The following PCLO variants were observed in gnomAD, a reference collection of about 807,000 sequenced individuals.
PCLO encodes the protein piccolo presynaptic cytomatrix protein.
In PCLO, 82 loss-of-function variants were observed where a neutral mutation model predicts 427.5. That is an observed-to-expected ratio of 0.19 (90% CI 0.16 to 0.23). PCLO has a LOEUF of 0.23. PCLO is among the 10% of genes least tolerant of loss of function. PCLO has a pLI of 1.00. For synonymous variants in PCLO, 2,357 were observed against 2,155.4 expected (o/e 1.09, Z -2.59); for missense variants, 6,239 against 6,115.9 (o/e 1.02, Z -0.67).
At chr7:82,787,109 G>A (rs1274506291) in intron 22 of PCLO, among the ~76,000 whole-genome samples, 1 of 151,786 alleles carries the variant, frequency 6.6e-6, no homozygotes, top group African/African-American at 2.4e-5. Context: ...CCCAGTAATG[G>A]GATTGCTGGG....
chr7:82,841,728 C>T (rs184563896), intron 13 of PCLO, among the ~76,000 whole-genome samples: 26 of 151,978 alleles, frequency 1.7e-4, no homozygotes, highest in African/African-American at 6.3e-4. Flanking sequence ...TTTGGTAAGC[C>T]GGCTTTGAAG....
At chr7:82,909,366 C>T (rs1458928174) in intron 7 of PCLO, among the ~76,000 whole-genome samples, 1 of 151,986 alleles carries the variant, frequency 6.6e-6, no homozygotes, top group Non-Finnish European at 1.5e-5. Flanking sequence ...TATTTAACCT[C>T]AGCCCATCAG....
chr7:82,984,525 G>T (rs948983759), intron 3 of PCLO, among the ~76,000 whole-genome samples: 1 of 151,506 alleles, frequency 6.6e-6, no homozygotes, highest in Non-Finnish European at 1.5e-5. Context: ...TAGACATCTT[G>T]AGCATAACTC....
intron 10 of PCLO, among the ~76,000 whole-genome samples, chr7:82,864,373 A>G (rs1793040869): frequency 6.6e-6 from 1 of 152,098 alleles, no homozygotes; most frequent in African/African-American, 2.4e-5. Context: ...AAGGCAAATA[A>G]CATCATGGAT....
chr7:83,148,973 T>C (rs1165944763), intron 2 of PCLO, among the ~76,000 whole-genome samples: 1 of 152,198 alleles, frequency 6.6e-6, no homozygotes, highest in Non-Finnish European at 1.5e-5. Flanking sequence ...ATTTGACTCA[T>C]AGATGAGTAA....
intron 2 of PCLO, among the ~76,000 whole-genome samples, chr7:83,142,919 C>A (rs1238974267): frequency 6.6e-6 from 1 of 151,970 alleles, no homozygotes; most frequent in African/African-American, 2.4e-5. Context: ...GATCATGCCA[C>A]TGCAATCCAG....
chr7:82,776,630 A>G (rs559781517), intron 22 of PCLO, among the ~76,000 whole-genome samples: 21 of 152,264 alleles, frequency 1.4e-4, no homozygotes, highest in African/African-American at 3.9e-4. Context: ...CCGTGTCTCT[A>G]CTAAAAATAC....
chr7:82,952,938 G>T lies in PCLO; in HGVS notation c.8015C>A (p.Thr2672Asn). The change falls in exon 5 of 25, where the codon ACT becomes AAT. Residue 2672 changes from threonine (T) to asparagine (N), a missense_variant. This residue lies in a region of PCLO where 4,677 missense variants were observed against 4,468.4 expected (regional missense o/e 1.05). Coordinates refer to ENST00000333891, the MANE Select transcript of PCLO (RefSeq NM_033026.6). ...TGAAACCTCAGTCTTGGAAACTTCA[G>T]TAGTGAGAAACTGTGTAACTGATGT... The part of the protein sequence containing the change: ...APTSVTQFLT[T>N]EVSKTEVSAT... 1 of 1,613,924 alleles carries T rather than the reference G, an allele frequency of 6.2e-7. No individual in the cohort carries two copies. The highest frequency in any genetic ancestry group is 1.1e-5 in the South Asian group (1 of 91,080).
intron 3 of PCLO, among the ~76,000 whole-genome samples, chr7:83,037,988 C>CA (rs1788837316): frequency 7.0e-5 from 1 of 14,258 alleles, no homozygotes; most frequent in South Asian, 2.9e-3. Context: ...TAAGGAGGAG[C>CA]TTATATATAT....
Position 82,987,636 on chromosome 7 carries a change from C to T in PCLO, c.3301-21149G>A, listed in dbSNP as rs375274689. Among the ~76,000 whole-genome samples, 14 of 151,838 alleles carry T rather than the reference C, an allele frequency of 9.2e-5. No individual in the cohort carries two copies. The East Asian group carries it at 1.9e-3, about 21-fold the overall frequency. On this transcript the variant is annotated intron_variant, in intron 3 of 24. Transcript: ENST00000333891. ...GCCAAACATACAGATAAAACTTGAT[C>T]TAAAAAAAAGCTTCACAATATACTA...
At chr7:82,776,330 T>C (rs572589102) in intron 22 of PCLO, among the ~76,000 whole-genome samples, 1 of 152,288 alleles carries the variant, frequency 6.6e-6, no homozygotes, top group Admixed American at 6.5e-5. Context: ...TGGTGGCTCA[T>C]GCTTGTAATC....
rs769787246 is a variant in PCLO, at chr7:82,956,375, T to G, written c.4578A>C (p.Gln1526His). 1 of 1,613,512 alleles carries G rather than the reference T, an allele frequency of 6.2e-7. No individual in the cohort carries two copies. The highest frequency in any genetic ancestry group is 8.5e-7 in the Non-Finnish European group (1 of 1,179,846). Residue 1526 changes from glutamine to histidine, a missense_variant, in exon 5 of 25, where the codon CAA becomes CAC. Around this residue, in one of 5 missense-constraint regions of PCLO, gnomAD observed 4,677 missense variants for 4,468.4 expected, o/e 1.05. Coordinates refer to ENST00000333891, the MANE Select transcript of PCLO (RefSeq NM_033026.6). ...AGCCAACACTAGTTCTTCGTTTTCT[T>G]TGTGGAACAGGTGAGTTTTCACTTT... ...SSESENSPVP[Q>H]RKRRTSVGSS... is the part of the protein sequence containing the mutation.
At chr7:82,877,655 T>C (rs2116032951) in intron 10 of PCLO, among the ~76,000 whole-genome samples, 1 of 152,222 alleles carries the variant, frequency 6.6e-6, no homozygotes, top group East Asian at 1.9e-4. Context: ...ATTAGAATAT[T>C]TTTAATAATG....
Position 83,134,436 on chromosome 7 carries a change from A to T in PCLO, c.3114T>A (p.Ala1038=), listed in dbSNP as rs370751415. ...PPIKDSKSLT[A]EPQKAVLPTK... is the part of the protein sequence containing the mutation. Reference sequence around the variant, plus strand: ...TGGGAAGGACAGCCTTTTGAGGCTCAGCTGTTAAAGATTTGCTATCCTTAA... The same window carrying T: ...TGGGAAGGACAGCCTTTTGAGGCTCTGCTGTTAAAGATTTGCTATCCTTAA... The change falls in exon 3 of 25, where the codon GCT becomes GCA. Residue 1038 remains alanine, a synonymous_variant. Coordinates refer to ENST00000333891, the MANE Select transcript of PCLO (RefSeq NM_033026.6). The T allele has an allele frequency of 1.9e-6, 3 of 1,613,884 alleles. No homozygotes were observed. The highest frequency in any genetic ancestry group is 2.5e-6 in the Non-Finnish European group (3 of 1,179,862).
chr7:83,069,786 C>T lies in PCLO; in HGVS notation c.3300+64464G>A, dbSNP rs1264458483. Among the ~76,000 whole-genome samples the T allele has an allele frequency of 2.5e-4, 11 of 43,310 alleles. No homozygotes were observed. The East Asian group carries it at 0.01, about 40-fold the overall frequency. 28.4% of individuals were successfully genotyped at this position (43,310 alleles called of 152,430 possible). On this transcript the variant is annotated intron_variant, in intron 3 of 24. Transcript: ENST00000333891. ...TCTAAAGATTCTCCACCTCCCCCAC[C>T]CCACCCCCCCGCCCACACACACACA...
rs1562932901 is a variant in PCLO at position 83,038,022 on chromosome 7, TA to T, written c.3301-71536del. ...ATATATATATATATATATATATATA[TA>T]TATATATTTATATATTTATATATAT... On this transcript the variant is annotated intron_variant, in intron 3 of 24. Coordinates refer to ENST00000333891, the MANE Select transcript of PCLO (RefSeq NM_033026.6). Among the ~76,000 whole-genome samples, 11 of 55,890 alleles carry T rather than the reference TA, an allele frequency of 2.0e-4. 2 individuals carry two copies. Among genetic ancestry groups the T allele is most frequent in the African/African-American group, 9.9e-4 (8 of 8,112 alleles). The allele number at this position is 55,890 out of a possible 152,430, so 36.7% of individuals were successfully genotyped here.
chr7:82,880,120 T>A (rs144120099), intron 9 of PCLO, among the ~76,000 whole-genome samples: 1 of 152,200 alleles, frequency 6.6e-6, no homozygotes, highest in Non-Finnish European at 1.5e-5. Flanking sequence ...GAAACCTAAT[T>A]GAGATAAATA....
chr7:83,158,144 G>GA (rs1792346526), intron 1 of PCLO, among the ~76,000 whole-genome samples: 1 of 151,976 alleles, frequency 6.6e-6, no homozygotes, highest in Non-Finnish European at 1.5e-5. Context: ...AGTAGATTCT[G>GA]AATTTTTGAA....
chr7:83,127,442 A>G (rs1392264608), intron 3 of PCLO, among the ~76,000 whole-genome samples: 1 of 152,142 alleles, frequency 6.6e-6, no homozygotes, highest in Non-Finnish European at 1.5e-5. Context: ...GTTTAAATAG[A>G]TAAGATATCA....
Sources: allele counts gnomAD v4.1 joint callset (sites outside exome capture counted in the v4.1 genomes callset), GRCh38; gene constraint gnomAD v4.1.1; regional missense constraint gnomAD v4.1.1; transcripts MANE v1.5; gene names NCBI Gene and HGNC (gene_info 2026-07-23, HGNC 2026-07-21).